CDYL2: variants seen among roughly 807,000 people sequenced by gnomAD.
CDYL2 encodes chromodomain Y-like protein 2.
A neutral mutation model predicts 49.4 loss-of-function variants in CDYL2; 23 were observed. That is an observed-to-expected ratio of 0.47 (90% CI 0.34 to 0.66). The LOEUF is 0.66. Ranked by LOEUF, CDYL2 falls within the 30% of genes least tolerant of loss-of-function variation. The pLI is 0.01. For missense variants in CDYL2, 678 were observed against 656.4 expected (o/e 1.03, Z -0.36); for synonymous variants, 360 against 268.8 (o/e 1.34, Z -3.32).
intron 1 of CDYL2, chr16:80,738,895 T>A (rs943041204): frequency 6.6e-6 from 1 of 152,170 alleles, no homozygotes; most frequent in African/African-American, 2.4e-5. Flanking sequence ...CTTGTGAAAA[T>A]TCATAGGAAC....
chr16:80,675,622 G>A (rs1001209790), intron 2 of CDYL2, among the ~76,000 whole-genome samples: 1 of 152,102 alleles, frequency 6.6e-6, no homozygotes, highest in Non-Finnish European at 1.5e-5. Context: ...ACCGACATTA[G>A]GAGGTGAAGT....
At chr16:80,690,462 A>C (rs1489650720) in intron 1 of CDYL2, among the ~76,000 whole-genome samples, 1 of 152,158 alleles carries the variant, frequency 6.6e-6, no homozygotes, top group Non-Finnish European at 1.5e-5. Context: ...CCTATACATT[A>C]ACTCTCCAAA....
rs148359779 is a variant in CDYL2, at chr16:80,629,485, G to C, written c.834+3534C>G. 4.0e-3 allele frequency among the ~76,000 whole-genome samples: 606 copies of C among 152,338 alleles called. 4 individuals carry two copies. Among genetic ancestry groups the C allele is most frequent in the Non-Finnish European group, 7.5e-3 (507 of 68,026 alleles). ...TGCTGTGTTCCTGAGAGTAGTGGTA[G>C]GATTGTGGGCTGAGGCCAAGGGCAC... is the stretch of plus-strand genomic sequence containing the variant. On this transcript the variant is annotated intron_variant, in intron 3 of 6. Transcript: ENST00000570137.
chr16:80,678,405 A>G (rs922962086), intron 2 of CDYL2, among the ~76,000 whole-genome samples: 6 of 152,204 alleles, frequency 3.9e-5, no homozygotes, highest in African/African-American at 1.4e-4. Context: ...GAACTCAAAC[A>G]AATTTACAAG....
At chr16:80,622,509 C>T (rs528029780) in intron 3 of CDYL2, among the ~76,000 whole-genome samples, 1 of 152,024 alleles carries the variant, frequency 6.6e-6, no homozygotes, top group African/African-American at 2.4e-5. Context: ...TTTATTTGTC[C>T]ACACTTGCTC....
chr16:80,673,699 T>C (rs1277404770), intron 2 of CDYL2, among the ~76,000 whole-genome samples: 2 of 152,286 alleles, frequency 1.3e-5, no homozygotes, highest in East Asian at 1.9e-4. Context: ...GTGGGATGAA[T>C]AGCAAATCCT....
chr16:80,732,679 G>C (rs1439769182), intron 1 of CDYL2, among the ~76,000 whole-genome samples: 1 of 152,178 alleles, frequency 6.6e-6, no homozygotes, highest in South Asian at 2.1e-4. Context: ...TAACTAAGTA[G>C]ATTAATGTAT....
At chr16:80,605,361 T>G (rs1442686925) in intron 6 of CDYL2, among the ~76,000 whole-genome samples, 5 of 148,338 alleles carry the variant, frequency 3.4e-5, no homozygotes, top group Admixed American at 1.4e-4. Context: ...TATTATATTA[T>G]GTATATGTAT....
chr16:80,679,491 AC>A (rs1909889413), intron 2 of CDYL2, among the ~76,000 whole-genome samples: 1 of 152,128 alleles, frequency 6.6e-6, no homozygotes, highest in African/African-American at 2.4e-5. Context: ...CCTAATTCCA[AC>A]CTGGACACTT....
chr16:80,655,513 G>A (rs1480498352), intron 2 of CDYL2, among the ~76,000 whole-genome samples: 4 of 152,174 alleles, frequency 2.6e-5, no homozygotes, highest in Non-Finnish European at 5.9e-5. Context: ...AGGGAGGGGA[G>A]GTGTTCGTGA....
chr16:80,690,905 A>G (rs1432727953), intron 1 of CDYL2, among the ~76,000 whole-genome samples: 1 of 152,170 alleles, frequency 6.6e-6, no homozygotes, highest in Non-Finnish European at 1.5e-5. Context: ...AAACCAGCAC[A>G]ATGTATAAAA....
intron 2 of CDYL2, among the ~76,000 whole-genome samples, chr16:80,665,571 G>A (rs1018760116): frequency 1.3e-4 from 20 of 151,150 alleles, no homozygotes; most frequent in African/African-American, 3.7e-4. Context: ...ATAATATGAG[G>A]AGTTACTGGT....
chr16:80,731,174 T>G (rs139879722), intron 1 of CDYL2, among the ~76,000 whole-genome samples: 1 of 152,078 alleles, frequency 6.6e-6, no homozygotes, highest in East Asian at 1.9e-4. Context: ...ACAATTGACA[T>G]GCAAAATAAG....
At chr16:80,703,453 T>C (rs762734459) in intron 1 of CDYL2, among the ~76,000 whole-genome samples, 1 of 152,132 alleles carries the variant, frequency 6.6e-6, no homozygotes, top group Non-Finnish European at 1.5e-5. Context: ...AGGATTGGAC[T>C]AGAGCTACCA....
intron 1 of CDYL2, among the ~76,000 whole-genome samples, chr16:80,757,875 A>G (rs943544616): frequency 6.6e-6 from 1 of 152,128 alleles, no homozygotes; most frequent in Non-Finnish European, 1.5e-5. Flanking sequence ...TCTACTAATA[A>G]ATACCATTCT....
chr16:80,745,348 A>G (rs1316384500), intron 1 of CDYL2, among the ~76,000 whole-genome samples: 1 of 152,166 alleles, frequency 6.6e-6, no homozygotes, highest in Admixed American at 6.5e-5. Flanking sequence ...GACCATGCAA[A>G]CAGGAGCCAA....
intron 4 of CDYL2, among the ~76,000 whole-genome samples, chr16:80,613,343 G>A (rs888539175): frequency 2.6e-5 from 4 of 152,160 alleles, no homozygotes; most frequent in Non-Finnish European, 5.9e-5. Flanking sequence ...GGAGGTATTT[G>A]CATTTTAGCT....
At chr16:80,787,333 A>C (rs1327639834) in intron 1 of CDYL2, among the ~76,000 whole-genome samples, 1 of 152,210 alleles carries the variant, frequency 6.6e-6, no homozygotes, top group Non-Finnish European at 1.5e-5. Flanking sequence ...ACTTTGGTTC[A>C]ATTTATACTA....
intron 2 of CDYL2, chr16:80,679,718 G>C (rs1010504550): frequency 6.6e-6 from 3 of 455,954 alleles, no homozygotes; most frequent in African/African-American, 6.0e-5. Context: ...AGCACTTCAA[G>C]TTTCCTCAAT....
Sources: gnomAD v4.1 joint callset for allele counts (sites outside exome capture counted in the v4.1 genomes callset) on GRCh38, gnomAD v4.1.1 for gene constraint, MANE v1.5 for transcripts, NCBI Gene and HGNC (gene_info 2026-07-23, HGNC 2026-07-21) for gene names.